CPT1C: variants seen among roughly 807,000 people sequenced by gnomAD.
CPT1C encodes the protein palmitoyl thioesterase CPT1C.
CPT1C carries 61 observed loss-of-function variants against 97.3 expected under a neutral mutation model. The observed-to-expected ratio is 0.63, with a 90% CI of 0.51 to 0.78. CPT1C has a LOEUF of 0.78. CPT1C is among the 30% of genes least tolerant of loss of function. The pLI, the probability that CPT1C is intolerant of heterozygous loss-of-function variation, is 0.00. For missense variants in CPT1C, 975 were observed against 1,065.5 expected, an observed-to-expected ratio of 0.92 and a Z score of 1.18; for synonymous variants, 469 against 447.2, an observed-to-expected ratio of 1.05 and a Z score of -0.61.
In CPT1C at chr19:49,701,425, C is replaced by A; in HGVS notation, c.555+7C>A. 1 of 1,601,986 alleles carries A rather than the reference C, an allele frequency of 6.2e-7. No homozygotes were observed. Among genetic ancestry groups the A allele is most frequent in the Non-Finnish European group, 8.5e-7 (1 of 1,172,566 alleles). On this transcript the variant is annotated splice_region_variant and intron_variant, in intron 6 of 19. Coordinates refer to ENST00000598293, the MANE Select transcript of CPT1C (RefSeq NM_001199753.2). ...GCAGGACACCGTGCGCAAGGTGGGC[C>A]TGGGAGCGCGCAGACGGGCTGGGGC...
At position 49,706,426 on chromosome 19, in the gene CPT1C, TG is replaced by T; in HGVS notation, c.1343+16del. On this transcript the variant is annotated intron_variant, in intron 12 of 19. Coordinates refer to ENST00000598293, the MANE Select transcript of CPT1C (RefSeq NM_001199753.2). The surrounding 1 kb of genome is among the most constrained non-coding windows in gnomAD (Gnocchi z 4.8). ...GGGGCCATGATCGGTGAGTGAGTCT[TG>T]GGATGGGGCCCCCAGATGTGGCACC... 1 of 1,458,366 alleles carries T rather than the reference TG, an allele frequency of 6.9e-7. No homozygotes were observed. The highest frequency in any genetic ancestry group is 9.0e-7 in the Non-Finnish European group (1 of 1,114,024). The allele number at this position is 1,458,366 out of a possible 1,614,324, so 90.3% of individuals were successfully genotyped here.
intron 4 of CPT1C, among the ~76,000 whole-genome samples, chr19:49,698,496 C>T (rs2082799135): frequency 6.6e-6 from 1 of 151,504 alleles, no homozygotes; most frequent in South Asian, 2.1e-4. Flanking sequence ...AACCCCGTCT[C>T]TACTAAAAAT....
intron 17 of CPT1C, 190 bp from the exon 18 acceptor site, chr19:49,712,546 G>T: frequency 1.9e-6 from 1 of 534,002 alleles, no homozygotes; most frequent in South Asian, 2.6e-5. Flanking sequence ...GGAGAGGGAC[G>T]TGGGTGTGGG....
At chr19:49,696,832 A>T (rs2082704297) in intron 3 of CPT1C, among the ~76,000 whole-genome samples, 1 of 151,628 alleles carries the variant, frequency 6.6e-6, no homozygotes. Context: ...GGATTTCACC[A>T]TGTTGGCCAG....
chr19:49,708,618 G>A (rs1265948585), intron 13 of CPT1C, 105 bp from the exon 14 acceptor site: 5 of 807,110 alleles, frequency 6.2e-6, no homozygotes, highest in East Asian at 2.4e-5. Flanking sequence ...TGTTTCTCAG[G>A]GACTGCCCCC....
chr19:49,697,172 G>A (rs1367890742), intron 3 of CPT1C, among the ~76,000 whole-genome samples, 154 bp from the exon 4 acceptor site: 1 of 152,190 alleles, frequency 6.6e-6, no homozygotes. Flanking sequence ...TGACCTCGCT[G>A]AGGGCAGGAC....
chr19:49,711,516 C>T (rs866448315), intron 16 of CPT1C: 6 of 432,800 alleles, frequency 1.4e-5, no homozygotes, highest in Non-Finnish European at 2.1e-5. Flanking sequence ...CCCTGCACCT[C>T]TTCTCCCTTG....
chr19:49,694,080 A>T (rs1023841797), intron 3 of CPT1C, among the ~76,000 whole-genome samples: 4 of 145,396 alleles, frequency 2.8e-5, no homozygotes, highest in African/African-American at 1.1e-4. Context: ...AAAATAAAAT[A>T]AAATAAAAAA....
chr19:49,701,446 G>A (rs1390031113), intron 6 of CPT1C, 28 bp downstream of exon 6: 3 of 1,587,882 alleles, frequency 1.9e-6, no homozygotes, highest in Non-Finnish European at 1.7e-6. Flanking sequence ...CAGACGGGCT[G>A]GGGCGGCCGG....
At position 49,710,448 on chromosome 19, in the gene CPT1C, C is replaced by T. The variant is rs775078296; in HGVS notation, c.1695C>T (p.Ser565=). Residue 565 remains serine, a synonymous_variant, in exon 15 of 20, where the codon AGC becomes AGT. Transcript: ENST00000598293. The part of the protein sequence containing the change: ...FIRRCHLSSD[S]FIQIALQLAH... Reference sequence around the variant, plus strand: ...GACGCTGCCACCTCTCTTCAGACAGCTTCATCCAGATCGCCTTGCAACTGG... The same window carrying T: ...GACGCTGCCACCTCTCTTCAGACAGTTTCATCCAGATCGCCTTGCAACTGG... 4 of 1,614,230 alleles carry T rather than the reference C, an allele frequency of 2.5e-6. No individual in the cohort carries two copies. The highest frequency in any genetic ancestry group is 2.2e-5 in the South Asian group (2 of 91,090).
At chr19:49,694,854 T>C (rs1451795899) in intron 3 of CPT1C, among the ~76,000 whole-genome samples, 1 of 151,856 alleles carries the variant, frequency 6.6e-6, no homozygotes, top group Non-Finnish European at 1.5e-5. Flanking sequence ...CATGTGACCA[T>C]CCTTGGCCAG....
intron 7 of CPT1C, among the ~76,000 whole-genome samples, chr19:49,703,029 TTAAA>T (rs2083272606): frequency 6.6e-6 from 1 of 151,676 alleles, no homozygotes; most frequent in Non-Finnish European, 1.5e-5. Context: ...GCTTTTCTGG[TTAAA>T]TATTTTTTTC....
In CPT1C at chr19:49,692,336, G is replaced by T; in HGVS notation, c.84G>T (p.Leu28=). 1 of 1,614,100 alleles carries T rather than the reference G, an allele frequency of 6.2e-7. No individual in the cohort carries two copies. The highest frequency in any genetic ancestry group is 8.5e-7 in the Non-Finnish European group (1 of 1,180,008). ...GAEVELSAPV[L]QEIYLSGLRS... Reference sequence around the variant, plus strand: ...AAGTGGAACTCAGTGCCCCTGTGCTGCAGGAGATCTACCTCTCTGGCCTGC... The same window carrying T: ...AAGTGGAACTCAGTGCCCCTGTGCTTCAGGAGATCTACCTCTCTGGCCTGC... The change falls in exon 3 of 20, where the codon CTG becomes CTT. Residue 28 remains leucine, a synonymous_variant. Coordinates refer to ENST00000598293, the MANE Select transcript of CPT1C (RefSeq NM_001199753.2).
rs1568542833 is a variant in CPT1C at position 49,710,816 on chromosome 19, G to A, written c.1825G>A (p.Ala609Thr). The A allele has an allele frequency of 6.2e-7, 1 of 1,613,948 alleles. No individual in the cohort carries two copies. The change falls in exon 16 of 20, where the codon GCC becomes ACC. Residue 609 changes from alanine (A) to threonine (T), a missense_variant. Coordinates refer to ENST00000598293, the MANE Select transcript of CPT1C (RefSeq NM_001199753.2). ...TETVRSCTRE[A>T]CNFVRAMEDK... is the part of the protein sequence containing the mutation. Reference sequence around the variant, plus strand: ...GACGGTGCGGTCTTGCACGAGGGAGGCCTGCAACTTTGTCAGGGCCATGGA... The same window carrying A: ...GACGGTGCGGTCTTGCACGAGGGAGACCTGCAACTTTGTCAGGGCCATGGA...
chr19:49,711,674 C>T (rs2083895984), intron 16 of CPT1C, 135 bp from the exon 17 acceptor site: 1 of 905,042 alleles, frequency 1.1e-6, no homozygotes, highest in Non-Finnish European at 1.7e-6. Flanking sequence ...CCTCAGTTCC[C>T]CATCTGTAAA....
chr19:49,691,980 G>C (rs2082374109), intron 2 of CPT1C, 91 bp downstream of exon 2: 2 of 457,862 alleles, frequency 4.4e-6, no homozygotes, highest in African/African-American at 2.0e-5. Context: ...GAGGGAGGAG[G>C]GGCTGGGGCC....
rs758322763 is a variant in CPT1C at position 49,692,412 on chromosome 19, C to T, written c.141+19C>T. ...TTTCTGGGTGAGGAGCGGTGCTGGT[C>T]GGTTTCCTTCCGGGGATCCAGGTTT... On this transcript the variant is annotated intron_variant, in intron 3 of 19. Coordinates refer to ENST00000598293, the MANE Select transcript of CPT1C (RefSeq NM_001199753.2). The T allele has an allele frequency of 2.4e-5, 38 of 1,613,200 alleles. No individual in the cohort carries two copies. Among genetic ancestry groups the T allele is most frequent in the Non-Finnish European group, 3.1e-5 (37 of 1,179,424 alleles).
chr19:49,706,113 CA>C lies in CPT1C; in HGVS notation c.1160+10del. On this transcript the variant is annotated intron_variant, in intron 11 of 19. Transcript: ENST00000598293. The surrounding 1 kb of genome is among the most constrained non-coding windows in gnomAD (Gnocchi z 4.8). ...CTGACAGCTGCTCCCAGGTAAGGGT[CA>C]GGGGTCAGGGGTCAGGGGCTCTCAG... is the stretch of plus-strand genomic sequence containing the variant. The C allele has an allele frequency of 6.3e-7, 1 of 1,599,316 alleles. No homozygotes were observed. Among genetic ancestry groups the C allele is most frequent in the Admixed American group, 1.7e-5 (1 of 57,764 alleles).
At chr19:49,693,793 T>C (rs1161421342) in intron 3 of CPT1C, among the ~76,000 whole-genome samples, 1 of 151,988 alleles carries the variant, frequency 6.6e-6, no homozygotes, top group African/African-American at 2.4e-5. Context: ...GCACGGTGGC[T>C]CATGCCTGTA....
Sources: allele counts gnomAD v4.1 joint callset (sites outside exome capture counted in the v4.1 genomes callset), GRCh38; gene constraint gnomAD v4.1.1; non-coding constraint Gnocchi (gnomAD v3.1); transcripts MANE v1.5; gene names NCBI Gene and HGNC (gene_info 2026-07-23, HGNC 2026-07-21).